RHBDD1: variants seen among roughly 807,000 people sequenced by gnomAD.
The protein encoded by RHBDD1 is rhomboid domain containing 1, also known as rhomboid-related protein 4.
RHBDD1 carries 38 observed loss-of-function variants against 36.3 expected under a neutral mutation model. That is an observed-to-expected ratio of 1.05 (90% CI 0.81 to 1.37). The LOEUF (loss-of-function observed/expected upper bound fraction) is 1.37, where lower values mean the gene tolerates loss of function less well. Among genes scored for constraint, RHBDD1 ranks in the 40% most tolerant of loss-of-function variants. RHBDD1 has a pLI of 0.00. For missense variants in RHBDD1, 393 were observed against 377.6 expected (o/e 1.04, Z -0.34); for synonymous variants, 151 against 136.5 (o/e 1.11, Z -0.74).
At chr2:226,993,284 G>A (rs1259139330) in intron 8 of RHBDD1, among the ~76,000 whole-genome samples, 1 of 152,186 alleles carries the variant, frequency 6.6e-6, no homozygotes, top group African/African-American at 2.4e-5. Flanking sequence ...CAGCCTCCAT[G>A]GGTTTCTGCC....
intron 8 of RHBDD1, among the ~76,000 whole-genome samples, chr2:226,966,338 C>G (rs1370756902): frequency 6.6e-6 from 1 of 152,134 alleles, no homozygotes; most frequent in Admixed American, 6.5e-5. Context: ...CCTATGGTAC[C>G]TAACTATATA....
chr2:226,842,723 G>A (rs1941799870), intron 3 of RHBDD1, among the ~76,000 whole-genome samples: 1 of 152,158 alleles, frequency 6.6e-6, no homozygotes, highest in African/African-American at 2.4e-5. Context: ...GTAGTGTGAT[G>A]CCTCCAACTT....
At chr2:226,873,111 G>A (rs965539530) in intron 5 of RHBDD1, among the ~76,000 whole-genome samples, 1 of 152,218 alleles carries the variant, frequency 6.6e-6, no homozygotes, top group African/African-American at 2.4e-5. Flanking sequence ...ACACTTGAGA[G>A]TGCTGTGGGA....
intron 3 of RHBDD1, among the ~76,000 whole-genome samples, chr2:226,861,998 A>G (rs1398551439): frequency 6.6e-6 from 1 of 152,216 alleles, no homozygotes; most frequent in Admixed American, 6.5e-5. Flanking sequence ...ACGTGTATGT[A>G]TATGGCTAAT....
intron 3 of RHBDD1, among the ~76,000 whole-genome samples, chr2:226,857,038 T>C (rs1481652259): frequency 6.6e-6 from 1 of 152,148 alleles, no homozygotes; most frequent in Admixed American, 6.6e-5. Flanking sequence ...CACCTTTTTT[T>C]CTGAAGATTT....
At chr2:226,966,833 T>C (rs1391635331) in intron 8 of RHBDD1, among the ~76,000 whole-genome samples, 1 of 118,898 alleles carries the variant, frequency 8.4e-6, no homozygotes, top group Non-Finnish European at 1.7e-5. Context: ...CCACATTCTT[T>C]TTAATTTTTT....
chr2:226,806,905 A>G, the RHBDD1 span, among the ~76,000 whole-genome samples: 1 of 152,228 alleles, frequency 6.6e-6, no homozygotes, highest in Non-Finnish European at 1.5e-5. Context: ...TGGATGCACC[A>G]CCAATTGAAC....
intron 8 of RHBDD1, among the ~76,000 whole-genome samples, chr2:226,954,031 T>C (rs1472357148): frequency 1.3e-5 from 2 of 152,192 alleles, no homozygotes; most frequent in Non-Finnish European, 2.9e-5. Context: ...TCACCTGCTC[T>C]TCTTCCTGGG....
intron 5 of RHBDD1, among the ~76,000 whole-genome samples, chr2:226,870,662 T>C (rs1944726630): frequency 6.6e-6 from 1 of 152,198 alleles, no homozygotes; most frequent in African/African-American, 2.4e-5. Context: ...TAGCCTACTA[T>C]TGACTGAAAG....
intron 8 of RHBDD1, among the ~76,000 whole-genome samples, chr2:226,991,187 A>T (rs184337630): frequency 2.5e-3 from 383 of 152,220 alleles, no homozygotes; most frequent in African/African-American, 8.8e-3. Context: ...GTCATTTTAT[A>T]TATCTCTTTT....
intron 8 of RHBDD1, among the ~76,000 whole-genome samples, chr2:226,974,750 A>G (rs1047204321): frequency 1.3e-5 from 2 of 151,968 alleles, no homozygotes; most frequent in East Asian, 1.9e-4. Context: ...CAGGGTGGAT[A>G]CTCCCTGCAG....
chr2:226,865,811 G>A (rs912971595), intron 4 of RHBDD1, among the ~76,000 whole-genome samples: 1 of 152,280 alleles, frequency 6.6e-6, no homozygotes, highest in African/African-American at 2.4e-5. Context: ...TTATCTCAGG[G>A]TGTTGGATTT....
At chr2:226,949,735 T>G (rs553029806) in intron 8 of RHBDD1, among the ~76,000 whole-genome samples, 1 of 152,276 alleles carries the variant, frequency 6.6e-6, no homozygotes, top group Non-Finnish European at 1.5e-5. Context: ...AAGTTCAAGA[T>G]CAAGGTGCCG....
chr2:226,936,835 ATTC>A (rs1360601155), intron 8 of RHBDD1, among the ~76,000 whole-genome samples: 2 of 152,260 alleles, frequency 1.3e-5, no homozygotes, highest in South Asian at 2.1e-4. Flanking sequence ...AGGTAAAAAT[ATTC>A]TTCTTTCTGC....
At chr2:226,904,516 CTG>C (rs144391701) in intron 5 of RHBDD1, among the ~76,000 whole-genome samples, 25 of 150,980 alleles carry the variant, frequency 1.7e-4, no homozygotes, top group African/African-American at 2.4e-5. Context: ...GTGTGCGTGT[CTG>C]TGTGTGTGTG....
In RHBDD1 at chr2:226,847,569, A is replaced by G. The variant is rs544231209; in HGVS notation, c.-91+7942A>G. 2.6e-5 allele frequency among the ~76,000 whole-genome samples: 4 copies of G among 152,360 alleles called. No individual in the cohort carries two copies. The South Asian group carries it at 6.2e-4, about 24-fold the overall frequency. ...AGTGGCTCTCAGCAGAGGAAAGCAT[A>G]TTCATTTATTAGGCAAACTTAAGCT... On this transcript the variant is annotated intron_variant, in intron 3 of 8. Transcript: ENST00000392062.
chr2:226,847,500 A>G (rs763216870), intron 3 of RHBDD1, among the ~76,000 whole-genome samples: 1 of 152,198 alleles, frequency 6.6e-6, no homozygotes, highest in African/African-American at 2.4e-5. Flanking sequence ...GACATAAGAC[A>G]CAAGCTTGTA....
chr2:226,884,145 A>T (rs1946020220), intron 5 of RHBDD1, among the ~76,000 whole-genome samples: 1 of 152,178 alleles, frequency 6.6e-6, no homozygotes, highest in Admixed American at 6.5e-5. Context: ...TTTCAGTATA[A>T]GCAGGAATGT....
chr2:226,865,761 C>T lies in RHBDD1; in HGVS notation c.433+635C>T, dbSNP rs1364174678. ...ACTGGGCAAAGCTTTGAAAGACATC[C>T]TATTCGGGAGAGGATTAGGCTGTTT... On this transcript the variant is annotated intron_variant, in intron 4 of 8. Coordinates refer to ENST00000392062, the MANE Select transcript of RHBDD1 (RefSeq NM_001167608.3). Among the ~76,000 whole-genome samples the T allele has an allele frequency of 2.0e-5, 3 of 152,172 alleles. No homozygotes were observed. In the East Asian group the frequency reaches 5.8e-4, roughly 29 times the overall value.
Sources: allele counts gnomAD v4.1 joint callset (sites outside exome capture counted in the v4.1 genomes callset), GRCh38; gene constraint gnomAD v4.1.1; transcripts MANE v1.5; gene names NCBI Gene and HGNC (gene_info 2026-07-23, HGNC 2026-07-21).